The following EML5 variants were observed in gnomAD, a reference collection of about 807,000 sequenced individuals.
EML5 encodes the protein EMAP like 5, also known as echinoderm microtubule-associated protein-like 5.
A neutral mutation model predicts 250.0 loss-of-function variants in EML5; 120 were observed. That is an observed-to-expected ratio of 0.48 (90% CI 0.41 to 0.56). The LOEUF is 0.56. EML5 is among the 20% of genes least tolerant of loss of function. The pLI, the probability that EML5 is intolerant of heterozygous loss-of-function variation, is 0.00. For synonymous variants in EML5, 771 were observed against 806.5 expected (o/e 0.96, Z 0.75); for missense variants, 2,006 against 2,437.6 (o/e 0.82, Z 3.73).
chr14:88,780,880 G>GC (rs2094491797), intron 1 of EML5, among the ~76,000 whole-genome samples: 1 of 151,972 alleles, frequency 6.6e-6, no homozygotes, highest in African/African-American at 2.4e-5. Context: ...GCTGAGTGGG[G>GC]CCCCTTATAA....
chr14:88,734,040 A>T (rs576920550), intron 7 of EML5, among the ~76,000 whole-genome samples: 1 of 152,282 alleles, frequency 6.6e-6, no homozygotes, highest in Non-Finnish European at 1.5e-5. Flanking sequence ...CAAACTATTG[A>T]AATTACTTGC....
chr14:88,748,425 G>C (rs771989713), intron 2 of EML5, among the ~76,000 whole-genome samples: 46 of 152,160 alleles, frequency 3.0e-4, no homozygotes, highest in Non-Finnish European at 6.0e-4. Flanking sequence ...TACCTTAATA[G>C]TGAAATTATA....
chr14:88,707,584 G>A (rs916833021), intron 10 of EML5, among the ~76,000 whole-genome samples: 6 of 151,952 alleles, frequency 3.9e-5, no homozygotes, highest in African/African-American at 1.5e-4. Context: ...TTGTATATCA[G>A]GATGTCAAAG....
At chr14:88,750,474 T>A (rs755019360) in intron 2 of EML5, among the ~76,000 whole-genome samples, 1 of 152,148 alleles carries the variant, frequency 6.6e-6, no homozygotes, top group Non-Finnish European at 1.5e-5. Context: ...AAAATTGACA[T>A]ATGTACTACT....
intron 29 of EML5, chr14:88,644,851 C>T: frequency 5.7e-6 from 1 of 175,706 alleles, no homozygotes; most frequent in South Asian, 1.4e-4. Flanking sequence ...GCTGGGATTA[C>T]AGGTGTGTGC....
chr14:88,713,670 G>A (rs2093442979), intron 9 of EML5, among the ~76,000 whole-genome samples: 1 of 146,232 alleles, frequency 6.8e-6, no homozygotes, highest in Admixed American at 6.9e-5. Context: ...TTCCCTGGCT[G>A]TTCTCAAACT....
intron 4 of EML5, among the ~76,000 whole-genome samples, chr14:88,741,915 T>C (rs946998544): frequency 6.6e-6 from 1 of 152,190 alleles, no homozygotes; most frequent in Non-Finnish European, 1.5e-5. Flanking sequence ...TATTCAAAGA[T>C]CTAATGAGTA....
chr14:88,618,184 G>A (rs1190372468), intron 41 of EML5, 44 bp downstream of exon 41: 2 of 1,520,512 alleles, frequency 1.3e-6, no homozygotes, highest in Non-Finnish European at 1.8e-6. Flanking sequence ...TTTCTAACTG[G>A]CCTTCAAAGT....
chr14:88,661,008 TAAAG>T (rs898423473), intron 25 of EML5, among the ~76,000 whole-genome samples: 1 of 152,168 alleles, frequency 6.6e-6, no homozygotes, highest in African/African-American at 2.4e-5. Context: ...GCTGTAACTA[TAAAG>T]AGTTTATATT....
intron 21 of EML5, among the ~76,000 whole-genome samples, chr14:88,671,847 G>A (rs539095909): frequency 6.6e-6 from 1 of 152,234 alleles, no homozygotes; most frequent in East Asian, 1.9e-4. Context: ...AACAAGTAAA[G>A]CTAACTATCC....
At position 88,758,319 on chromosome 14, in the gene EML5, A is replaced by G. The variant is rs148862087; in HGVS notation, c.198-3648T>C. Reference sequence around the variant, plus strand: ...GCAATTCTCCTGCCTCAGTCTCCCAAGTAGCTGGGATTACAGGCATGCACC... The same window carrying G: ...GCAATTCTCCTGCCTCAGTCTCCCAGGTAGCTGGGATTACAGGCATGCACC... On this transcript the variant is annotated intron_variant, in intron 1 of 43. Coordinates refer to ENST00000554922, the MANE Select transcript of EML5 (RefSeq NM_183387.3). Among the ~76,000 whole-genome samples, 175 of 152,008 alleles carry G rather than the reference A, an allele frequency of 1.2e-3. 2 individuals are homozygous for G. The East Asian group carries it at 0.03, about 26-fold the overall frequency.
chr14:88,697,705 C>T (rs2093111401), intron 14 of EML5, among the ~76,000 whole-genome samples: 1 of 152,044 alleles, frequency 6.6e-6, no homozygotes, highest in Admixed American at 6.6e-5. Flanking sequence ...ATAGAGCTGT[C>T]AATTATAGTT....
chr14:88,656,175 T>G (rs751734448), intron 27 of EML5, among the ~76,000 whole-genome samples: 6 of 152,220 alleles, frequency 3.9e-5, no homozygotes, highest in Non-Finnish European at 8.8e-5. Context: ...CATGTATATT[T>G]ATTACAGCAC....
intron 17 of EML5, among the ~76,000 whole-genome samples, chr14:88,692,019 C>T (rs955761841): frequency 5.9e-5 from 9 of 152,160 alleles, no homozygotes; most frequent in African/African-American, 2.2e-4. Context: ...TAAAATCGGC[C>T]TTCCATGTTC....
chr14:88,627,866 A>G, intron 33 of EML5, 47 bp from the exon 34 acceptor site: 1 of 1,500,284 alleles, frequency 6.7e-7, no homozygotes, highest in Non-Finnish European at 9.0e-7. Context: ...TGTTATAAAT[A>G]TTTCTGTTTC....
At chr14:88,743,269 T>C (rs2093952053) in intron 4 of EML5, among the ~76,000 whole-genome samples, 1 of 152,030 alleles carries the variant, frequency 6.6e-6, no homozygotes, top group Admixed American at 6.6e-5. Flanking sequence ...AGGAGGATAT[T>C]GAATGGTCCT....
intron 1 of EML5, among the ~76,000 whole-genome samples, chr14:88,754,943 T>A (rs748289832): frequency 2.6e-5 from 4 of 152,156 alleles, no homozygotes; most frequent in Non-Finnish European, 5.9e-5. Flanking sequence ...TAGCTGGGAT[T>A]ACAGGCACCC....
intron 7 of EML5, among the ~76,000 whole-genome samples, chr14:88,733,775 C>T (rs2093796888): frequency 6.6e-6 from 1 of 152,108 alleles, no homozygotes; most frequent in Non-Finnish European, 1.5e-5. Context: ...GTTGAGTCCC[C>T]ATCTTACTTC....
chr14:88,637,073 T>C (rs760236282), intron 32 of EML5, among the ~76,000 whole-genome samples: 1 of 152,212 alleles, frequency 6.6e-6, no homozygotes, highest in Non-Finnish European at 1.5e-5. Context: ...GTAAATGCTG[T>C]TTTGTGTTTT....
Sources: allele counts gnomAD v4.1 joint callset (sites outside exome capture counted in the v4.1 genomes callset), GRCh38; gene constraint gnomAD v4.1.1; transcripts MANE v1.5; gene names NCBI Gene and HGNC (gene_info 2026-07-23, HGNC 2026-07-21).